LAMA3: variants seen among roughly 807,000 people sequenced by gnomAD.
LAMA3 encodes laminin subunit alpha-3.
In LAMA3, 281 loss-of-function variants were observed where a neutral mutation model predicts 402.0. That is an observed-to-expected ratio of 0.70 (90% CI 0.63 to 0.77). The LOEUF is 0.77. Ranked by LOEUF, LAMA3 falls within the 30% of genes least tolerant of loss-of-function variation. The probability of loss-of-function intolerance (pLI) is 0.00; values close to 1 mark genes in which losing one functional copy is unlikely to be tolerated. For synonymous variants in LAMA3, 1,431 were observed against 1,558.4 expected, an observed-to-expected ratio of 0.92 and a Z score of 1.93; for missense variants, 3,840 against 4,215.5, an observed-to-expected ratio of 0.91 and a Z score of 2.47.
chr18:23,710,984 A>C (rs2060979731), intron 1 of LAMA3, among the ~76,000 whole-genome samples: 1 of 152,190 alleles, frequency 6.6e-6, no homozygotes, highest in Admixed American at 6.5e-5. Flanking sequence ...TTTATATGGC[A>C]AAAAATTTAT....
intron 9 of LAMA3, 108 bp from the exon 10 acceptor site, chr18:23,775,684 T>A (rs2062301090): frequency 2.3e-6 from 3 of 1,281,130 alleles, no homozygotes; most frequent in Non-Finnish European, 3.4e-6. Flanking sequence ...CAAGAATACC[T>A]ATAGACCAAG....
At chr18:23,881,196 C>T (rs1213575717) in intron 39 of LAMA3, among the ~76,000 whole-genome samples, 1 of 152,170 alleles carries the variant, frequency 6.6e-6, no homozygotes, top group Non-Finnish European at 1.5e-5. Context: ...CAACACTTTA[C>T]TGAAGAACAA....
intron 12 of LAMA3, among the ~76,000 whole-genome samples, chr18:23,791,379 T>C (rs1315590802): frequency 1.3e-5 from 2 of 152,168 alleles, no homozygotes; most frequent in African/African-American, 2.4e-5. Context: ...CTTTGATTAA[T>C]AGGTTGAGCT....
intron 16 of LAMA3, 59 bp downstream of exon 16, chr18:23,815,299 G>T: frequency 6.6e-7 from 1 of 1,516,424 alleles, no homozygotes; most frequent in Non-Finnish European, 9.1e-7. Context: ...CTGCTTGTGG[G>T]GTTTCTGGGG....
intron 6 of LAMA3, among the ~76,000 whole-genome samples, chr18:23,755,886 T>A (rs999977049): frequency 3.3e-5 from 5 of 152,206 alleles, no homozygotes; most frequent in Non-Finnish European, 2.9e-5. Flanking sequence ...AGGTGTATTA[T>A]TAACCATCAG....
At chr18:23,810,643 G>T in intron 13 of LAMA3, 140 bp downstream of exon 13, 1 of 929,266 alleles carries the variant, frequency 1.1e-6, no homozygotes, top group Non-Finnish European at 1.7e-6. Context: ...TAGTCTGCTT[G>T]GTTCCTCACC....
In LAMA3 at chr18:23,920,946, A is replaced by T. The variant is rs755950336; in HGVS notation, c.7935A>T (p.Ile2645=). 6.2e-7 allele frequency: 1 copy of T among 1,613,920 alleles called. No individual in the cohort carries two copies. The highest frequency in any genetic ancestry group is 1.3e-5 in the African/African-American group (1 of 74,894). ...TTCCTCTGTCCTAGGATCGCTTCAT[A>T]TCTCTAAATATAGAAGATGGCAAGC... ...LFFAENGDRF[I]SLNIEDGKLM... Residue 2645 remains isoleucine (I), a synonymous_variant, in exon 61 of 75, where the codon ATA becomes ATT. Transcript: ENST00000313654.
chr18:23,814,667 C>T (rs1248284001), intron 15 of LAMA3, among the ~76,000 whole-genome samples, 165 bp downstream of exon 15: 1 of 152,178 alleles, frequency 6.6e-6, no homozygotes, highest in Admixed American at 6.5e-5. Flanking sequence ...GAATTTCTGT[C>T]ACTTTCAAAA....
chr18:23,757,652 G>C (rs958825964), intron 6 of LAMA3, among the ~76,000 whole-genome samples: 1 of 152,352 alleles, frequency 6.6e-6, no homozygotes, highest in East Asian at 1.9e-4. Context: ...CTGCTCCACA[G>C]ACAGCTGCGC....
At position 23,904,582 on chromosome 18, in the gene LAMA3, T is replaced by G; in HGVS notation, c.6503T>G (p.Leu2168Arg). The G allele has an allele frequency of 1.9e-6, 3 of 1,607,622 alleles. No homozygotes were observed. The highest frequency in any genetic ancestry group is 2.5e-6 in the Non-Finnish European group (3 of 1,177,216). Reference sequence around the variant, plus strand: ...AAGAGAAACGCCAGCGGGGATGAGCTGGTGCGCTGTGCTGTGGATGCCGCC... The same window carrying G: ...AAGAGAAACGCCAGCGGGGATGAGCGGGTGCGCTGTGCTGTGGATGCCGCC... ...EIKRNASGDELVRCAVDAATA... is the reference protein window; with the variant it reads ...EIKRNASGDERVRCAVDAATA... The change falls in exon 51 of 75, where the codon CTG becomes CGG. Residue 2168 changes from leucine to arginine, a missense_variant. Leu to Arg is a moderately radical substitution (Grantham distance 102). Around this residue, in one of 3 missense-constraint regions of LAMA3, gnomAD observed 891 missense variants for 857.5 expected, o/e 1.04. Coordinates refer to ENST00000313654, the MANE Select transcript of LAMA3 (RefSeq NM_198129.4).
rs909657143 is a variant in LAMA3 at position 23,834,118 on chromosome 18, C to A, written c.2984+130C>A. Reference sequence around the variant, plus strand: ...GCAGCTCTTGAAAACAAGCAGGTGACTAGTTGTGTGGCCCAACGTCATCAC... The same window carrying A: ...GCAGCTCTTGAAAACAAGCAGGTGAATAGTTGTGTGGCCCAACGTCATCAC... On this transcript the variant is annotated intron_variant, in intron 24 of 74. Coordinates refer to ENST00000313654, the MANE Select transcript of LAMA3 (RefSeq NM_198129.4). 74 of 1,049,762 alleles carry A rather than the reference C, an allele frequency of 7.0e-5. No individual in the cohort carries two copies. The African/African-American group carries it at 9.4e-4, about 13-fold the overall frequency. The allele number at this position is 1,049,762 out of a possible 1,614,324, so 65.0% of individuals were successfully genotyped here.
At chr18:23,755,582 A>G (rs1006874366) in intron 6 of LAMA3, among the ~76,000 whole-genome samples, 1 of 152,248 alleles carries the variant, frequency 6.6e-6, no homozygotes, top group South Asian at 2.1e-4. Flanking sequence ...CTAATGAGGC[A>G]GAACCCAAGA....
At chr18:23,820,062 A>C in intron 19 of LAMA3, 65 bp downstream of exon 19, 109 of 1,533,960 alleles carry the variant, frequency 7.1e-5, no homozygotes, top group Non-Finnish European at 9.3e-5. Context: ...CACCAGTCTC[A>C]GGGAGCCCCC....
chr18:23,947,019 A>G (rs2082733945), intron 70 of LAMA3, among the ~76,000 whole-genome samples: 1 of 152,252 alleles, frequency 6.6e-6, no homozygotes, highest in South Asian at 2.1e-4. Flanking sequence ...ATGTTATTTG[A>G]TGTCTGAAAT....
chr18:23,839,743 G>A lies in LAMA3; in HGVS notation c.3192-42G>A. The A allele has an allele frequency of 6.2e-7, 1 of 1,610,350 alleles. No homozygotes were observed. Among genetic ancestry groups the A allele is most frequent in the Non-Finnish European group, 8.5e-7 (1 of 1,176,698 alleles). ...ACTGATGGTCAGTTCTGTAGCTTTG[G>A]GTTCTTTTAAAAATCAGATTTTTAA... On this transcript the variant is annotated intron_variant, in intron 26 of 74. Coordinates refer to ENST00000313654, the MANE Select transcript of LAMA3 (RefSeq NM_198129.4). This position sits in a 1 kb window ranked among gnomAD's most constrained non-coding sequence, Gnocchi z 4.5.
chr18:23,885,858 T>G (rs2065056834), intron 41 of LAMA3, among the ~76,000 whole-genome samples: 1 of 152,218 alleles, frequency 6.6e-6, no homozygotes, highest in Non-Finnish European at 1.5e-5. Flanking sequence ...TCATAATCAT[T>G]TTGTCTACAG....
intron 2 of LAMA3, among the ~76,000 whole-genome samples, chr18:23,719,267 C>T (rs906844123): frequency 3.9e-5 from 6 of 152,176 alleles, no homozygotes; most frequent in South Asian, 2.1e-4. Context: ...GGCAGAGGCA[C>T]GAGGATCACT....
chr18:23,805,613 A>T (rs1169802377), intron 12 of LAMA3, among the ~76,000 whole-genome samples: 1 of 152,182 alleles, frequency 6.6e-6, no homozygotes, highest in East Asian at 1.9e-4. Context: ...TCATTATAAG[A>T]TGGACCTGAG....
chr18:23,894,786 C>G (rs1046821164), intron 43 of LAMA3, 121 bp from the exon 44 acceptor site: 1 of 1,223,440 alleles, frequency 8.2e-7, no homozygotes, highest in Admixed American at 1.8e-5. Flanking sequence ...AAGGCCAGGG[C>G]TGTGGTTGTC....
Sources: gnomAD v4.1 joint callset for allele counts (sites outside exome capture counted in the v4.1 genomes callset) on GRCh38, gnomAD v4.1.1 for gene constraint, gnomAD v4.1.1 regional missense constraint, Gnocchi (gnomAD v3.1) non-coding constraint, MANE v1.5 for transcripts, NCBI Gene and HGNC (gene_info 2026-07-23, HGNC 2026-07-21) for gene names.